The following PPP6C variants were observed in gnomAD, a reference collection of about 807,000 sequenced individuals.
The protein encoded by PPP6C is protein phosphatase 6 catalytic subunit.
In PPP6C, 11 loss-of-function variants were observed where a neutral mutation model predicts 39.8. That is an observed-to-expected ratio of 0.28 (90% CI 0.17 to 0.46). The LOEUF (loss-of-function observed/expected upper bound fraction) is 0.46, where lower values mean the gene tolerates loss of function less well. PPP6C is among the 20% of genes least tolerant of loss of function. The probability of loss-of-function intolerance (pLI) is 1.00; values close to 1 mark genes in which losing one functional copy is unlikely to be tolerated. For synonymous variants in PPP6C, 129 were observed against 130.3 expected, an observed-to-expected ratio of 0.99 and a Z score of 0.07; for missense variants, 211 against 373.9, an observed-to-expected ratio of 0.56 and a Z score of 3.59.
intron 6 of PPP6C, among the ~76,000 whole-genome samples, chr9:125,153,142 G>A (rs7855700): frequency 0.23 from 35,592 of 151,682 alleles, 4,697 homozygotes; most frequent in Non-Finnish European, 0.3. Context: ...GCATGGTGGC[G>A]CACACCTGTG....
intron 2 of PPP6C, among the ~76,000 whole-genome samples, chr9:125,162,898 C>T (rs1449730172): frequency 1.3e-5 from 2 of 151,422 alleles, no homozygotes; most frequent in East Asian, 1.9e-4. Flanking sequence ...GCCAACATGG[C>T]GAAACCCAGT....
At chr9:125,151,367 TA>T in intron 6 of PPP6C, 1 of 1,164,590 alleles carries the variant, frequency 8.6e-7, no homozygotes, top group Non-Finnish European at 1.3e-6. Context: ...CACCAAAGTT[TA>T]TGCTATCTTG....
chr9:125,171,362 G>C (rs1829143307), intron 1 of PPP6C, among the ~76,000 whole-genome samples, 182 bp from the exon 2 acceptor site: 1 of 150,926 alleles, frequency 6.6e-6, no homozygotes, highest in East Asian at 1.9e-4. Context: ...AATTCTTAAT[G>C]CAATGCAAAC....
In PPP6C at chr9:125,189,796, G is replaced by T. The variant is rs1198582656; in HGVS notation, c.-78C>A. 6.7e-7 allele frequency: 1 copy of T among 1,489,108 alleles called. No homozygotes were observed. Among genetic ancestry groups the T allele is most frequent in the African/African-American group, 1.5e-5 (1 of 68,884 alleles). The allele number at this position is 1,489,108 out of a possible 1,614,324, so 92.2% of individuals were successfully genotyped here. A position where few individuals can be genotyped will look rare whatever the true frequency, so the allele number is the denominator to read the frequency against. On this transcript the variant is annotated 5_prime_UTR_variant, in exon 1 of 7. Transcript: ENST00000373547. ...GGCGGCAGCGGCGGAGGCCGAAGCC[G>T]GAACTTTCCCTGCGTCACGTCCGGC...
At chr9:125,161,155 T>C (rs1345146436) in intron 2 of PPP6C, among the ~76,000 whole-genome samples, 1 of 152,218 alleles carries the variant, frequency 6.6e-6, no homozygotes, top group Non-Finnish European at 1.5e-5. Context: ...TTTTCTTTCA[T>C]ACATCTCCCC....
intron 2 of PPP6C, among the ~76,000 whole-genome samples, chr9:125,165,746 T>G (rs1244983044): frequency 6.6e-6 from 1 of 151,662 alleles, no homozygotes; most frequent in Non-Finnish European, 1.5e-5. Context: ...TTATGACACT[T>G]AAAAGTTAAT....
In PPP6C at chr9:125,167,766, C is replaced by G. The variant is rs571169731; in HGVS notation, c.171+3319G>C. 8.1e-5 allele frequency among the ~76,000 whole-genome samples: 12 copies of G among 147,654 alleles called. No homozygotes were observed. In the East Asian group the frequency reaches 2.4e-3, roughly 30 times the overall value. The stretch of plus-strand genomic sequence containing the variant: ...CTCAGGCCGGACGCAGTGGCTCACG[C>G]CTGTAATCCCAGCACTCTGGGAGGC... On this transcript the variant is annotated intron_variant, in intron 2 of 6. Coordinates refer to ENST00000373547, the MANE Select transcript of PPP6C (RefSeq NM_002721.5).
chr9:125,179,321 T>C (rs1431748144), intron 1 of PPP6C, among the ~76,000 whole-genome samples: 1 of 152,176 alleles, frequency 6.6e-6, no homozygotes, highest in Non-Finnish European at 1.5e-5. Flanking sequence ...ATTCTCTTGA[T>C]AGGGTCTTTC....
In PPP6C at chr9:125,147,134, CT is replaced by C. The variant is rs1835829960; in HGVS notation, c.*2538del. The C allele has an allele frequency of 6.6e-6, 1 of 152,064 alleles. No homozygotes were observed. The highest frequency in any genetic ancestry group is 1.5e-5 in the Non-Finnish European group (1 of 68,018). The allele number at this position is 152,064 out of a possible 1,614,324, so 9.4% of individuals were successfully genotyped here. On this transcript the variant is annotated 3_prime_UTR_variant, in exon 7 of 7. Transcript: ENST00000373547. ...CTCAAATGAATATAAAGTAGTGAAA[CT>C]TTTTGGGGAAACACATTAACTTATA...
chr9:125,156,777 T>C (rs887653149), intron 4 of PPP6C, among the ~76,000 whole-genome samples: 13 of 119,270 alleles, frequency 1.1e-4, no homozygotes, highest in African/African-American at 3.9e-4. Flanking sequence ...CTCTCTCTCT[T>C]TCAACCAAAT....
At chr9:125,165,339 C>A (rs2131318054) in intron 2 of PPP6C, among the ~76,000 whole-genome samples, 1 of 152,092 alleles carries the variant, frequency 6.6e-6, no homozygotes, top group East Asian at 1.9e-4. Flanking sequence ...GCAGAGGTTG[C>A]AGTGAGCTGA....
chr9:125,171,798 C>T, intron 1 of PPP6C: 1 of 439,970 alleles, frequency 2.3e-6, no homozygotes, highest in Non-Finnish European at 4.5e-6. Context: ...AGGTGATCCA[C>T]CCACCTCAGC....
chr9:125,185,376 CAT>C (rs1181126483), intron 1 of PPP6C, among the ~76,000 whole-genome samples: 4 of 151,790 alleles, frequency 2.6e-5, no homozygotes, highest in Non-Finnish European at 2.9e-5. Flanking sequence ...TCCCGGCCCA[CAT>C]ATGTCATTCT....
chr9:125,174,117 T>A (rs1289694813), intron 1 of PPP6C, among the ~76,000 whole-genome samples: 2 of 152,214 alleles, frequency 1.3e-5, no homozygotes, highest in South Asian at 4.1e-4. Flanking sequence ...GACCAGTTTG[T>A]ACTATTGCCA....
intron 3 of PPP6C, 102 bp downstream of exon 3, chr9:125,160,739 T>G (rs777051624): frequency 1.2e-6 from 1 of 811,222 alleles, no homozygotes; most frequent in Non-Finnish European, 1.8e-6. Flanking sequence ...TATACTGAAA[T>G]AGGGACTGTC....
intron 6 of PPP6C, among the ~76,000 whole-genome samples, chr9:125,151,778 T>G (rs1215086969): frequency 6.6e-6 from 1 of 152,250 alleles, no homozygotes; most frequent in African/African-American, 2.4e-5. Context: ...TGGGACTTCC[T>G]ATCTGCATTG....
intron 6 of PPP6C, chr9:125,151,477 G>T: frequency 1.3e-6 from 1 of 796,390 alleles, no homozygotes. Context: ...AGGACAAGAT[G>T]AAGCACCATT....
At position 125,158,373 on chromosome 9, in the gene PPP6C, C is replaced by CA; in HGVS notation, c.246dup (p.Val83CysfsTer7). 1 of 1,612,688 alleles carries CA rather than the reference C, an allele frequency of 6.2e-7. No homozygotes were observed. The highest frequency in any genetic ancestry group is 8.5e-7 in the Non-Finnish European group (1 of 1,179,372). ...TCCAAACTATAGTAACCTCTGTCTA[C>CA]AAAATCACCCTGTGAAGTAAAAGTT... On this transcript the variant is annotated frameshift_variant, in exon 4 of 7. Transcript: ENST00000373547. LOFTEE classifies it high-confidence loss of function.
chr9:125,166,090 C>A (rs899854813), intron 2 of PPP6C, among the ~76,000 whole-genome samples: 2 of 152,070 alleles, frequency 1.3e-5, no homozygotes, highest in Non-Finnish European at 2.9e-5. Context: ...AGTCACCAGG[C>A]CTGGCCTATA....
Sources: gnomAD v4.1 joint callset for allele counts (sites outside exome capture counted in the v4.1 genomes callset) on GRCh38, gnomAD v4.1.1 for gene constraint, MANE v1.5 for transcripts, NCBI Gene and HGNC (gene_info 2026-07-23, HGNC 2026-07-21) for gene names.